Variants in LIPJ observed in about 807,000 individuals in gnomAD.
LIPJ encodes lipase family member J.
In LIPJ, 33 loss-of-function variants were observed where a neutral mutation model predicts 39.8. The ratio of observed to expected loss-of-function variants is 0.83; its 90% CI spans 0.63 to 1.11. The LOEUF is 1.11. Ranked by LOEUF, LIPJ falls within the 50% of genes least tolerant of loss-of-function variation. The probability of loss-of-function intolerance (pLI) is 0.00; values close to 1 mark genes in which losing one functional copy is unlikely to be tolerated. For synonymous variants in LIPJ, 128 were observed against 139.2 expected, an observed-to-expected ratio of 0.92 and a Z score of 0.57; for missense variants, 422 against 427.9, an observed-to-expected ratio of 0.99 and a Z score of 0.12.
intron 5 of LIPJ, 27 bp downstream of exon 5, chr10:88,594,171 A>C (rs1851176402): frequency 1.3e-5 from 20 of 1,551,362 alleles, no homozygotes; most frequent in Non-Finnish European, 1.8e-5. Context: ...GTAACATTTC[A>C]TTTTATAAGT....
the LIPJ span, among the ~76,000 whole-genome samples, chr10:88,622,728 T>G: frequency 6.6e-6 from 1 of 152,080 alleles, no homozygotes; most frequent in Non-Finnish European, 1.5e-5. Context: ...GGCAACACAG[T>G]GCAGGATAAT....
chr10:88,589,978 G>A (rs1851026822), intron 2 of LIPJ, among the ~76,000 whole-genome samples: 1 of 151,594 alleles, frequency 6.6e-6, no homozygotes, highest in South Asian at 2.1e-4. Flanking sequence ...ATTATACAAG[G>A]CTCATAAGAT....
chr10:88,618,638 G>T, the LIPJ span: 2 of 152,936 alleles, frequency 1.3e-5, no homozygotes, highest in East Asian at 3.9e-4. Context: ...ACACCTTTTG[G>T]ACTCACACCA....
chr10:88,623,070 T>G, the LIPJ span, among the ~76,000 whole-genome samples: 1 of 152,206 alleles, frequency 6.6e-6, no homozygotes, highest in Non-Finnish European at 1.5e-5. Context: ...TACCTCTAAG[T>G]GTCCAATGTG....
chr10:88,582,932 C>T, upstream of LIPJ: 8 of 990,090 alleles, frequency 8.1e-6, no homozygotes, highest in Non-Finnish European at 1.1e-5. Flanking sequence ...CCACTCGGCG[C>T]ATGGGCCGCG....
intron 8 of LIPJ, among the ~76,000 whole-genome samples, chr10:88,598,006 A>G (rs1007391474): frequency 3.3e-5 from 5 of 151,998 alleles, no homozygotes; most frequent in Admixed American, 3.3e-4. Flanking sequence ...CTGGTTTTCT[A>G]GCCTCCAAAA....
the LIPJ span, among the ~76,000 whole-genome samples, chr10:88,617,886 A>G: frequency 6.6e-6 from 1 of 152,238 alleles, no homozygotes; most frequent in Non-Finnish European, 1.5e-5. Flanking sequence ...TCTCTCTACT[A>G]GTAGATTGAA....
chr10:88,602,499 C>T (rs1184062415), intron 8 of LIPJ, 77 bp from the exon 9 acceptor site: 3 of 882,098 alleles, frequency 3.4e-6, no homozygotes, highest in African/African-American at 1.8e-5. Flanking sequence ...TAATTTAGTT[C>T]AATAAATATT....
rs145336920 is a variant in LIPJ at position 88,606,492 on chromosome 10, T to C, written c.868-182T>C. Reference sequence around the variant, plus strand: ...GATTTATGTATGACTTATTTTCAAGTAAAACTTGTAATCCCTATTCATACT... The same window carrying C: ...GATTTATGTATGACTTATTTTCAAGCAAAACTTGTAATCCCTATTCATACT... On this transcript the variant is annotated intron_variant, in intron 10 of 10. Transcript: ENST00000371939. 5.6e-4 allele frequency among the ~76,000 whole-genome samples: 86 copies of C among 152,288 alleles called. 1 individual carries two copies. The highest frequency in any genetic ancestry group is 1.9e-3 in the African/African-American group (81 of 41,586).
At chr10:88,599,371 T>C (rs1851386295) in intron 8 of LIPJ, among the ~76,000 whole-genome samples, 1 of 152,062 alleles carries the variant, frequency 6.6e-6, no homozygotes, top group South Asian at 2.1e-4. Flanking sequence ...AAAATGTATT[T>C]ACTATATAAC....
intron 7 of LIPJ, 129 bp downstream of exon 7, chr10:88,596,545 C>T: frequency 9.9e-7 from 1 of 1,007,522 alleles, no homozygotes; most frequent in Non-Finnish European, 1.4e-6. Context: ...ATTTACACTA[C>T]ATTCTTGTTT....
chr10:88,607,243 A>G (rs1851695171), downstream of LIPJ, among the ~76,000 whole-genome samples: 1 of 152,202 alleles, frequency 6.6e-6, no homozygotes, highest in Admixed American at 6.5e-5. Flanking sequence ...ATATATTATA[A>G]AAATAGAGTT....
At chr10:88,589,919 G>C (rs1342761988) in intron 2 of LIPJ, among the ~76,000 whole-genome samples, 1 of 151,596 alleles carries the variant, frequency 6.6e-6, no homozygotes, top group Non-Finnish European at 1.5e-5. Flanking sequence ...GTGGAGCTAG[G>C]GGTTTTATAA....
At chr10:88,588,320 T>C (rs1850976171) in intron 2 of LIPJ, among the ~76,000 whole-genome samples, 1 of 151,870 alleles carries the variant, frequency 6.6e-6, no homozygotes, top group Admixed American at 6.6e-5. Context: ...CAACTTAAAA[T>C]TATTAATATC....
At chr10:88,597,876 T>C (rs551006048) in intron 8 of LIPJ, among the ~76,000 whole-genome samples, 2 of 152,130 alleles carry the variant, frequency 1.3e-5, no homozygotes, top group South Asian at 4.1e-4. Context: ...TTATTTTTAC[T>C]TATCCACTCA....
upstream of LIPJ, chr10:88,583,179 C>G: frequency 1.1e-5 from 17 of 1,613,976 alleles, no homozygotes; most frequent in Non-Finnish European, 1.4e-5. Flanking sequence ...CCACGATCAG[C>G]ACCTGCGCCA....
chr10:88,617,899 A>G, the LIPJ span, among the ~76,000 whole-genome samples: 1 of 152,244 alleles, frequency 6.6e-6, no homozygotes, highest in Non-Finnish European at 1.5e-5. Flanking sequence ...AGATTGAATC[A>G]AATGAAAGCT....
Position 88,602,569 on chromosome 10 carries a change from C to G in LIPJ, c.724-7C>G. 1 of 1,473,492 alleles carries G rather than the reference C, an allele frequency of 6.8e-7. No homozygotes were observed. The highest frequency in any genetic ancestry group is 9.1e-7 in the Non-Finnish European group (1 of 1,098,530). 91.3% of individuals were successfully genotyped at this position (1,473,492 alleles called of 1,614,324 possible). On this transcript the variant is annotated splice_region_variant and splice_polypyrimidine_tract_variant and intron_variant, in intron 8 of 10. Transcript: ENST00000371939. ...AAAATGCTTTTTTTTTTTTTTTTAC[C>G]CCTCAGAGTCGTTTGGATGTGTATT...
the LIPJ span, among the ~76,000 whole-genome samples, chr10:88,614,908 T>C: frequency 2.0e-5 from 3 of 152,132 alleles, no homozygotes; most frequent in African/African-American, 7.2e-5. Flanking sequence ...GTCATCTGAT[T>C]TGATAAAATG....
Sources: gnomAD v4.1 joint callset for allele counts (sites outside exome capture counted in the v4.1 genomes callset) on GRCh38, gnomAD v4.1.1 for gene constraint, MANE v1.5 for transcripts, NCBI Gene and HGNC (gene_info 2026-07-23, HGNC 2026-07-21) for gene names.